The following ANKRD27 variants were observed in gnomAD, a reference collection of about 807,000 sequenced individuals.
ANKRD27 encodes the protein ankyrin repeat domain-containing protein 27.
In ANKRD27, 112 loss-of-function variants were observed where a neutral mutation model predicts 129.7. That is an observed-to-expected ratio of 0.86 (90% CI 0.74 to 1.01). The LOEUF is 1.01. ANKRD27 is among the 50% of genes least tolerant of loss of function. ANKRD27 has a pLI of 0.00. For synonymous variants in ANKRD27, 516 were observed against 511.2 expected (o/e 1.01, Z -0.13); for missense variants, 1,258 against 1,300.5 (o/e 0.97, Z 0.50).
chr19:32,666,966 C>G (rs747997663), intron 1 of ANKRD27, among the ~76,000 whole-genome samples: 10 of 152,102 alleles, frequency 6.6e-5, no homozygotes, highest in Non-Finnish European at 1.2e-4. Context: ...GATTTCTAAC[C>G]ACGTCATCCC....
intron 13 of ANKRD27, among the ~76,000 whole-genome samples, chr19:32,631,045 G>C (rs995444356): frequency 4.6e-5 from 7 of 151,746 alleles, no homozygotes; most frequent in East Asian, 1.9e-4. Flanking sequence ...TTTTGAGACA[G>C]AGTCTCTCTG....
intron 2 of ANKRD27, among the ~76,000 whole-genome samples, chr19:32,658,643 G>A (rs1967588902): frequency 6.6e-6 from 1 of 152,206 alleles, no homozygotes; most frequent in Admixed American, 6.5e-5. Context: ...GAGACCAAGT[G>A]TCACTGGGGG....
At chr19:32,612,647 T>C (rs1308452978) in intron 22 of ANKRD27, among the ~76,000 whole-genome samples, 1 of 151,934 alleles carries the variant, frequency 6.6e-6, no homozygotes, top group African/African-American at 2.4e-5. Flanking sequence ...CAGAAATAGA[T>C]CCACACAATC....
chr19:32,608,507 T>TTAA, intron 22 of ANKRD27: 2 of 212,496 alleles, frequency 9.4e-6, no homozygotes, highest in South Asian at 5.2e-5. Context: ...GTTACCTCTT[T>TTAA]AAAAAAAAAA....
chr19:32,610,479 T>C (rs1971818182), intron 22 of ANKRD27, among the ~76,000 whole-genome samples: 1 of 89,840 alleles, frequency 1.1e-5, no homozygotes, highest in African/African-American at 6.1e-5. Context: ...ACCAAGACCG[T>C]CTCTAAAAAA....
chr19:32,629,694 T>C (rs1966956695), intron 13 of ANKRD27, among the ~76,000 whole-genome samples: 1 of 151,910 alleles, frequency 6.6e-6, no homozygotes, highest in Admixed American at 6.6e-5. Context: ...AGTGAGACTC[T>C]GTCACAAAAA....
At chr19:32,664,757 G>A (rs554897970) in intron 1 of ANKRD27, among the ~76,000 whole-genome samples, 24 of 150,342 alleles carry the variant, frequency 1.6e-4, no homozygotes, top group East Asian at 3.9e-4. Context: ...CCACGAGTTC[G>A]AGAAAAGCCT....
In ANKRD27 at chr19:32,628,756, A is replaced by C; in HGVS notation, c.1303T>G (p.Cys435Gly). The change falls in exon 14 of 29, where the codon TGC (cysteine) becomes GGC (glycine). Residue 435 changes from cysteine to glycine, a missense_variant. Cys to Gly is a radical substitution (Grantham distance 159). Coordinates refer to ENST00000306065, the MANE Select transcript of ANKRD27 (RefSeq NM_032139.3). ...DTVQKMCHPL[C>G]FCDDCEKLVS... ...AGTTTCTCACAGTCATCGCAGAAGC[A>C]GAGAGGGTGACACATCTTTTGGACG... 1 of 1,614,170 alleles carries C rather than the reference A, an allele frequency of 6.2e-7. No homozygotes were observed.
At chr19:32,654,227 T>G (rs1205340664) in intron 2 of ANKRD27, among the ~76,000 whole-genome samples, 1 of 152,062 alleles carries the variant, frequency 6.6e-6, no homozygotes, top group Non-Finnish European at 1.5e-5. Context: ...GATTTCACAT[T>G]TTTTGGAGCC....
chr19:32,654,154 C>T (rs1388155816), intron 2 of ANKRD27, among the ~76,000 whole-genome samples: 2 of 152,150 alleles, frequency 1.3e-5, no homozygotes, highest in African/African-American at 4.8e-5. Context: ...CCTGCCTCGG[C>T]CTCCCAAAGT....
At chr19:32,657,978 A>G (rs1967574745) in intron 2 of ANKRD27, among the ~76,000 whole-genome samples, 1 of 152,186 alleles carries the variant, frequency 6.6e-6, no homozygotes, top group African/African-American at 2.4e-5. Context: ...CTGTCTCAAA[A>G]AAATTTAATA....
chr19:32,674,932 G>T (rs536582402), intron 1 of ANKRD27, 139 bp downstream of exon 1: 7 of 152,050 alleles, frequency 4.6e-5, no homozygotes, highest in Admixed American at 2.0e-4. Context: ...GGGCCACCTG[G>T]CGGACCCGGG....
chr19:32,671,039 T>C (rs1041457650), intron 1 of ANKRD27, among the ~76,000 whole-genome samples: 1 of 152,064 alleles, frequency 6.6e-6, no homozygotes, highest in African/African-American at 2.4e-5. Flanking sequence ...CTCACACCTG[T>C]AATCTCAGCA....
chr19:32,641,054 A>G (rs557890326), intron 10 of ANKRD27, among the ~76,000 whole-genome samples: 1 of 152,042 alleles, frequency 6.6e-6, no homozygotes, highest in Non-Finnish European at 1.5e-5. Flanking sequence ...GCCCGCCACC[A>G]TGCCCAGCTA....
intron 2 of ANKRD27, among the ~76,000 whole-genome samples, chr19:32,658,101 C>G (rs556919748): frequency 1.3e-5 from 2 of 152,334 alleles, no homozygotes; most frequent in East Asian, 3.9e-4. Context: ...TCAGGCACCT[C>G]ACATATCTAA....
At chr19:32,656,122 G>GA (rs1315031978) in intron 2 of ANKRD27, among the ~76,000 whole-genome samples, 4 of 117,540 alleles carry the variant, frequency 3.4e-5, no homozygotes, top group African/African-American at 1.3e-4. Flanking sequence ...GAAAAGAAAA[G>GA]AAAAGAAAAG....
At chr19:32,651,732 G>A (rs948642992) in intron 2 of ANKRD27, among the ~76,000 whole-genome samples, 2 of 152,018 alleles carry the variant, frequency 1.3e-5, no homozygotes, top group Admixed American at 6.6e-5. Context: ...CATGCTGCCC[G>A]CTTGTTTGCA....
intron 20 of ANKRD27, among the ~76,000 whole-genome samples, chr19:32,618,359 G>C: frequency 6.7e-6 from 1 of 149,478 alleles, no homozygotes; most frequent in Non-Finnish European, 1.5e-5. Context: ...CAGCACTTTG[G>C]AGGCAATCCC....
At chr19:32,635,592 AC>A (rs1298905292) in intron 12 of ANKRD27, among the ~76,000 whole-genome samples, 13 of 152,130 alleles carry the variant, frequency 8.5e-5, no homozygotes, top group Non-Finnish European at 1.3e-4. Flanking sequence ...GGCATGAGCC[AC>A]TGCACCCAGC....
Sources: gnomAD v4.1 joint callset for allele counts (sites outside exome capture counted in the v4.1 genomes callset) on GRCh38, gnomAD v4.1.1 for gene constraint, MANE v1.5 for transcripts, NCBI Gene and HGNC (gene_info 2026-07-23, HGNC 2026-07-21) for gene names.